Variants in CENPP observed in about 807,000 individuals in gnomAD.
CENPP encodes the protein centromere protein P.
Under a neutral mutation model 35.6 loss-of-function variants are expected in CENPP, and 24 were observed. That is an observed-to-expected ratio of 0.67 (90% CI 0.49 to 0.95). The LOEUF (loss-of-function observed/expected upper bound fraction) is 0.95, where lower values mean the gene tolerates loss of function less well. Among genes scored for constraint, CENPP ranks in the 40% least tolerant of loss-of-function variants. The pLI, the probability that CENPP is intolerant of heterozygous loss-of-function variation, is 0.00. For missense variants in CENPP, 332 were observed against 345.3 expected (o/e 0.96, Z 0.31); for synonymous variants, 120 against 125.5 (o/e 0.96, Z 0.29).
At chr9:92,346,412 C>T (rs544320707) in intron 4 of CENPP, among the ~76,000 whole-genome samples, 1 of 152,216 alleles carries the variant, frequency 6.6e-6, no homozygotes, top group African/African-American at 2.4e-5. Flanking sequence ...GAGCACTGTG[C>T]CAGCAGGGAG....
chr9:92,342,443 A>G (rs1387020186), intron 3 of CENPP, among the ~76,000 whole-genome samples: 1 of 152,268 alleles, frequency 6.6e-6, no homozygotes, highest in African/African-American at 2.4e-5. Context: ...CTAAAGAGAC[A>G]TGAGTTGTCA....
intron 5 of CENPP, among the ~76,000 whole-genome samples, chr9:92,423,676 GAGCA>G (rs1408827203): frequency 1.3e-5 from 2 of 151,978 alleles, no homozygotes; most frequent in African/African-American, 4.8e-5. Context: ...AGACTAGATA[GAGCA>G]TCTGTATTTT....
intron 5 of CENPP, among the ~76,000 whole-genome samples, chr9:92,508,867 A>T (rs1024010764): frequency 9.2e-5 from 14 of 152,098 alleles, no homozygotes; most frequent in African/African-American, 3.1e-4. Context: ...ATAAATAAAA[A>T]CATAATATGT....
intron 5 of CENPP, among the ~76,000 whole-genome samples, chr9:92,537,751 A>G (rs981348695): frequency 2.0e-5 from 3 of 152,250 alleles, no homozygotes; most frequent in Middle Eastern, 6.3e-3. Context: ...GTCAGTGGTC[A>G]ATAAAACAGA....
chr9:92,458,592 T>G (rs1232263492), intron 5 of CENPP, among the ~76,000 whole-genome samples: 1 of 152,208 alleles, frequency 6.6e-6, no homozygotes, highest in Non-Finnish European at 1.5e-5. Context: ...AAATATATGC[T>G]TATGACATGT....
intron 5 of CENPP, among the ~76,000 whole-genome samples, chr9:92,508,412 G>A (rs1847138091): frequency 6.6e-6 from 1 of 152,248 alleles, no homozygotes; most frequent in South Asian, 2.1e-4. Flanking sequence ...ATTTGTGAGT[G>A]AGGGAGGAGA....
intron 5 of CENPP, among the ~76,000 whole-genome samples, chr9:92,544,434 C>T (rs1252123509): frequency 6.6e-6 from 1 of 152,124 alleles, no homozygotes; most frequent in Non-Finnish European, 1.5e-5. Flanking sequence ...CACGATTGCA[C>T]CACTGCACTC....
intron 5 of CENPP, chr9:92,500,954 A>G (rs757923206): frequency 6.2e-7 from 1 of 1,614,222 alleles, no homozygotes; most frequent in South Asian, 1.1e-5. Context: ...GGATCCGTTC[A>G]ATCTGGTTCC....
chr9:92,560,824 C>T (rs924058669), intron 5 of CENPP, among the ~76,000 whole-genome samples: 1 of 151,400 alleles, frequency 6.6e-6, no homozygotes, highest in Non-Finnish European at 1.5e-5. Flanking sequence ...TCTCAAAAGT[C>T]GCAGTGGCTC....
chr9:92,563,786 T>TTCC (rs3996298), intron 5 of CENPP, among the ~76,000 whole-genome samples: 6 of 143,032 alleles, frequency 4.2e-5, no homozygotes, highest in South Asian at 2.4e-4. Flanking sequence ...CCTACCCCTC[T>TTCC]TCCTCCTCCT....
intron 4 of CENPP, among the ~76,000 whole-genome samples, chr9:92,350,060 A>G (rs2130811612): frequency 6.6e-6 from 1 of 152,334 alleles, no homozygotes; most frequent in East Asian, 1.9e-4. Context: ...ATTTTTGTGA[A>G]TTAATTTCTG....
At position 92,514,789 on chromosome 9, in the gene CENPP, C is replaced by T. The variant is rs372997619; in HGVS notation, c.565-96525C>T. ...AGGAAGCGGGGATCGAGAGGGCATT[C>T]GGAACATATCTCCTCTTACCGGGTC... is the stretch of plus-strand genomic sequence containing the variant. On this transcript the variant is annotated intron_variant, in intron 5 of 7. Coordinates refer to ENST00000375587, the MANE Select transcript of CENPP (RefSeq NM_001012267.3). 38 of 1,613,778 alleles carry T rather than the reference C, an allele frequency of 2.4e-5. No homozygotes were observed. The African/African-American group carries it at 2.5e-4, about 11-fold the overall frequency.
At chr9:92,431,454 T>A (rs773721814) in intron 5 of CENPP, among the ~76,000 whole-genome samples, 3 of 152,242 alleles carry the variant, frequency 2.0e-5, no homozygotes, top group Non-Finnish European at 4.4e-5. Context: ...TACATTGTGA[T>A]TTTAACTTCC....
chr9:92,577,345 C>A (rs984048458), intron 5 of CENPP, among the ~76,000 whole-genome samples: 3 of 152,138 alleles, frequency 2.0e-5, no homozygotes, highest in Non-Finnish European at 2.9e-5. Context: ...AAAACCCTGT[C>A]TCTACTAAAA....
chr9:92,412,647 A>G (rs1380766771), intron 5 of CENPP, among the ~76,000 whole-genome samples: 1 of 152,188 alleles, frequency 6.6e-6, no homozygotes, highest in Non-Finnish European at 1.5e-5. Context: ...CACTGAGCAT[A>G]ATGTTTTCAA....
chr9:92,580,686 T>G (rs1373730921), intron 5 of CENPP, among the ~76,000 whole-genome samples: 9 of 152,372 alleles, frequency 5.9e-5, no homozygotes, highest in East Asian at 3.8e-4. Context: ...ATTTGATTCT[T>G]CTCTCTTTTT....
At chr9:92,577,004 A>G (rs1850299102) in intron 5 of CENPP, among the ~76,000 whole-genome samples, 1 of 152,226 alleles carries the variant, frequency 6.6e-6, no homozygotes, top group Non-Finnish European at 1.5e-5. Flanking sequence ...ATTCCATAGC[A>G]TACCTACCAG....
chr9:92,470,733 T>G, intron 5 of CENPP: 1 of 1,599,264 alleles, frequency 6.3e-7, no homozygotes, highest in Non-Finnish European at 8.5e-7. Flanking sequence ...GTTTTGAAGA[T>G]CAAGCATTCG....
chr9:92,492,448 G>C (rs994783953), intron 5 of CENPP, among the ~76,000 whole-genome samples: 2 of 152,196 alleles, frequency 1.3e-5, no homozygotes, highest in Non-Finnish European at 2.9e-5. Context: ...TATTTCAACT[G>C]TACAACATTG....
Sources: allele counts gnomAD v4.1 joint callset (sites outside exome capture counted in the v4.1 genomes callset), GRCh38; gene constraint gnomAD v4.1.1; transcripts MANE v1.5; gene names NCBI Gene and HGNC (gene_info 2026-07-23, HGNC 2026-07-21).